The following SNAP25 variants were observed in gnomAD, a reference collection of about 807,000 sequenced individuals.
SNAP25 encodes the protein synaptosome associated protein 25.
A neutral mutation model predicts 28.7 loss-of-function variants in SNAP25; 3 were observed. The ratio of observed to expected loss-of-function variants is 0.10; its 90% CI spans 0.05 to 0.27. The LOEUF (loss-of-function observed/expected upper bound fraction) is 0.27. Among genes scored for constraint, SNAP25 ranks in the 10% least tolerant of loss-of-function variants. The probability of loss-of-function intolerance (pLI) is 1.00; values close to 1 mark genes in which losing one functional copy is unlikely to be tolerated. For synonymous variants in SNAP25, 61 were observed against 88.1 expected (o/e 0.69, Z 1.72); for missense variants, 117 against 278.7 (o/e 0.42, Z 4.13).
chr20:10,245,065 A>T (rs1456859126), intron 1 of SNAP25, among the ~76,000 whole-genome samples: 3 of 152,064 alleles, frequency 2.0e-5, no homozygotes, highest in Non-Finnish European at 4.4e-5. Context: ...CATATGCCAG[A>T]CAGGAGAGAG....
chr20:10,233,811 C>A (rs1352394113), intron 1 of SNAP25, among the ~76,000 whole-genome samples: 2 of 152,150 alleles, frequency 1.3e-5, no homozygotes, highest in Admixed American at 6.5e-5. Flanking sequence ...CTTTTTATTT[C>A]TTTAAGCTTG....
At chr20:10,263,050 G>A (rs1156888447) in intron 1 of SNAP25, among the ~76,000 whole-genome samples, 28 of 112,736 alleles carry the variant, frequency 2.5e-4, no homozygotes, top group African/African-American at 8.9e-4. Context: ...ACGGAGTCTC[G>A]CTCTGTCGCC....
intron 3 of SNAP25, among the ~76,000 whole-genome samples, chr20:10,283,481 A>G (rs576052553): frequency 2.2e-4 from 33 of 152,366 alleles, no homozygotes; most frequent in African/African-American, 7.7e-4. Context: ...AAAGCCTATC[A>G]AAGTGTGCTC....
chr20:10,228,772 T>C (rs2062775713), intron 1 of SNAP25, among the ~76,000 whole-genome samples: 1 of 152,172 alleles, frequency 6.6e-6, no homozygotes. Flanking sequence ...ACTGTTGTTA[T>C]GTTCAGTTAC....
chr20:10,251,749 T>C (rs2063232924), intron 1 of SNAP25, among the ~76,000 whole-genome samples: 1 of 152,190 alleles, frequency 6.6e-6, no homozygotes, highest in Non-Finnish European at 1.5e-5. Flanking sequence ...TTTCATCGTA[T>C]ATCCCCTCAA....
At chr20:10,243,723 A>G (rs763439243) in intron 1 of SNAP25, among the ~76,000 whole-genome samples, 4 of 152,166 alleles carry the variant, frequency 2.6e-5, no homozygotes, top group Non-Finnish European at 5.9e-5. Context: ...ATATGACATT[A>G]CTGGTAATAT....
intron 7 of SNAP25, among the ~76,000 whole-genome samples, chr20:10,300,614 C>T (rs754104565): frequency 1.4e-4 from 22 of 152,092 alleles, no homozygotes; most frequent in Non-Finnish European, 2.4e-4. Context: ...TGCAAGCAAC[C>T]TCCAATGACT....
rs544658170 is a variant in SNAP25, at chr20:10,279,171, C to T, written c.114+1445C>T. Among the ~76,000 whole-genome samples, 8 of 152,224 alleles carry T rather than the reference C, an allele frequency of 5.3e-5. No individual in the cohort carries two copies. The East Asian group carries it at 7.7e-4, about 15-fold the overall frequency. ...GAAGGAGGTAGATATTCTAAATCTA[C>T]GAGTACAGGCAAGACTCTTAGCATG... On this transcript the variant is annotated intron_variant, in intron 3 of 7. Coordinates refer to ENST00000254976, the MANE Select transcript of SNAP25 (RefSeq NM_130811.4).
At chr20:10,252,814 A>G (rs1011331700) in intron 1 of SNAP25, among the ~76,000 whole-genome samples, 11 of 151,432 alleles carry the variant, frequency 7.3e-5, no homozygotes, top group African/African-American at 2.7e-4. Context: ...ACTTTAATTA[A>G]AGTAGTTGTT....
chr20:10,245,707 C>T (rs538907504), intron 1 of SNAP25, among the ~76,000 whole-genome samples: 5 of 152,250 alleles, frequency 3.3e-5, no homozygotes, highest in Admixed American at 1.3e-4. Context: ...CACACACACA[C>T]ACATACTGAC....
chr20:10,247,679 A>G (rs550796751), intron 1 of SNAP25, among the ~76,000 whole-genome samples: 4 of 152,256 alleles, frequency 2.6e-5, no homozygotes, highest in Non-Finnish European at 4.4e-5. Flanking sequence ...TGATAGTCCA[A>G]CTGTCTCTAA....
At chr20:10,226,488 G>T (rs2062735978) in intron 1 of SNAP25, among the ~76,000 whole-genome samples, 1 of 152,158 alleles carries the variant, frequency 6.6e-6, no homozygotes, top group South Asian at 2.1e-4. Context: ...ACATACACTG[G>T]TTCCTAAAGT....
intron 1 of SNAP25, among the ~76,000 whole-genome samples, chr20:10,229,827 C>A (rs2062796764): frequency 6.6e-6 from 1 of 152,044 alleles, no homozygotes; most frequent in Non-Finnish European, 1.5e-5. Flanking sequence ...CCCCGACAAA[C>A]AAGTTCATAC....
chr20:10,237,694 G>T (rs2062949266), intron 1 of SNAP25, among the ~76,000 whole-genome samples: 2 of 152,076 alleles, frequency 1.3e-5, no homozygotes, highest in Non-Finnish European at 1.5e-5. Flanking sequence ...AACATGCAGG[G>T]TATTATTAGC....
intron 1 of SNAP25, among the ~76,000 whole-genome samples, chr20:10,264,662 G>A (rs1018893261): frequency 3.3e-5 from 5 of 151,892 alleles, no homozygotes; most frequent in East Asian, 1.9e-4. Flanking sequence ...GGATAGTTTG[G>A]ATAGTTTATC....
At chr20:10,258,330 A>G (rs1410778760) in intron 1 of SNAP25, among the ~76,000 whole-genome samples, 1 of 152,204 alleles carries the variant, frequency 6.6e-6, no homozygotes, top group Admixed American at 6.5e-5. Context: ...TCTCTCATTA[A>G]TGAGTTAATA....
Position 10,247,364 on chromosome 20 carries a change from C to T in SNAP25, c.-63-28065C>T, listed in dbSNP as rs3787290. ...TGGCTCCTGAAATGAAATGAGATGA[C>T]GAGATTTTATTTCACCAGTGACATT... On this transcript the variant is annotated intron_variant, in intron 1 of 7. Transcript: ENST00000254976. 5.9e-5 allele frequency among the ~76,000 whole-genome samples: 9 copies of T among 152,144 alleles called. No homozygotes were observed. In the East Asian group the frequency reaches 1.7e-3, roughly 29 times the overall value.
intron 1 of SNAP25, among the ~76,000 whole-genome samples, chr20:10,254,918 C>T (rs927998057): frequency 6.6e-6 from 1 of 152,172 alleles, no homozygotes; most frequent in Non-Finnish European, 1.5e-5. Flanking sequence ...TCTAGCTTCC[C>T]TCTTCAGCTC....
intron 1 of SNAP25, among the ~76,000 whole-genome samples, chr20:10,247,261 G>A (rs906583524): frequency 3.9e-5 from 6 of 152,138 alleles, no homozygotes; most frequent in African/African-American, 1.4e-4. Context: ...ACAACAGAGT[G>A]GTCAAGTGGT....
Sources: gnomAD v4.1 joint callset for allele counts (sites outside exome capture counted in the v4.1 genomes callset) on GRCh38, gnomAD v4.1.1 for gene constraint, MANE v1.5 for transcripts, NCBI Gene and HGNC (gene_info 2026-07-23, HGNC 2026-07-21) for gene names.